LAMA2: variants seen among roughly 807,000 people sequenced by gnomAD.
The protein encoded by LAMA2 is laminin subunit alpha 2, also known as laminin subunit alpha-2.
LAMA2 carries 269 observed loss-of-function variants against 364.8 expected under a neutral mutation model. The observed-to-expected ratio is 0.74, with a 90% CI of 0.67 to 0.82. The LOEUF (loss-of-function observed/expected upper bound fraction) is 0.82. Ranked by LOEUF, LAMA2 falls within the 40% of genes least tolerant of loss-of-function variation. LAMA2 has a pLI of 0.00. For synonymous variants in LAMA2, 1,379 were observed against 1,370.6 expected, an observed-to-expected ratio of 1.01 and a Z score of -0.14; for missense variants, 3,807 against 3,873.2, an observed-to-expected ratio of 0.98 and a Z score of 0.45.
chr6:129,138,741 C>A (rs1377972334), intron 4 of LAMA2, among the ~76,000 whole-genome samples: 2 of 152,008 alleles, frequency 1.3e-5, no homozygotes, highest in African/African-American at 4.8e-5. Context: ...AGTAATTATG[C>A]TGATACATAT....
At chr6:129,005,982 G>A (rs552776880) in intron 1 of LAMA2, among the ~76,000 whole-genome samples, 1 of 151,730 alleles carries the variant, frequency 6.6e-6, no homozygotes, top group East Asian at 1.9e-4. Flanking sequence ...ATCTGTTTGA[G>A]ACTGTGTTTT....
At chr6:129,290,703 G>C (rs892569223) in intron 19 of LAMA2, among the ~76,000 whole-genome samples, 1 of 151,986 alleles carries the variant, frequency 6.6e-6, no homozygotes, top group African/African-American at 2.4e-5. Context: ...TAAAAATATA[G>C]GGTACATAGT....
At chr6:129,369,798 C>T (rs904751583) in intron 33 of LAMA2, 94 bp from the exon 34 acceptor site, 14 of 1,049,504 alleles carry the variant, frequency 1.3e-5, no homozygotes, top group African/African-American at 6.3e-5. Flanking sequence ...GGTGAGAAGG[C>T]TAAGTTCCTT....
intron 22 of LAMA2, among the ~76,000 whole-genome samples, chr6:129,307,222 C>G (rs907735914): frequency 4.6e-5 from 7 of 152,162 alleles, no homozygotes; most frequent in African/African-American, 1.4e-4. Context: ...AGAATACTAC[C>G]TAGTTGGTTA....
chr6:129,392,090 C>T (rs1283336387), intron 36 of LAMA2, among the ~76,000 whole-genome samples: 2 of 152,140 alleles, frequency 1.3e-5, no homozygotes, highest in Non-Finnish European at 2.9e-5. Context: ...CCAACCTATA[C>T]ATTTTATCAT....
At chr6:128,956,478 A>C (rs1201429665) in intron 1 of LAMA2, among the ~76,000 whole-genome samples, 1 of 152,064 alleles carries the variant, frequency 6.6e-6, no homozygotes, top group Admixed American at 6.6e-5. Flanking sequence ...GGTGAAACAT[A>C]GCACTGGATA....
chr6:129,193,875 ACTGGTGGTGTTGG>A (rs959047803), intron 12 of LAMA2, among the ~76,000 whole-genome samples: 14 of 152,150 alleles, frequency 9.2e-5, no homozygotes, highest in Non-Finnish European at 1.8e-4. Flanking sequence ...GTGAATGGGA[ACTGGTGGTGTTGG>A]CTGGTTGAAA....
intron 3 of LAMA2, among the ~76,000 whole-genome samples, chr6:129,062,187 A>T (rs1469737987): frequency 6.6e-6 from 1 of 152,180 alleles, no homozygotes; most frequent in Non-Finnish European, 1.5e-5. Context: ...CTGGCAACAG[A>T]GAAAATGTGG....
At chr6:129,129,276 C>G (rs898798150) in intron 4 of LAMA2, among the ~76,000 whole-genome samples, 2 of 151,996 alleles carry the variant, frequency 1.3e-5, no homozygotes. Flanking sequence ...ACAGAGCACC[C>G]CAAAATAATT....
intron 32 of LAMA2, 98 bp from the exon 33 acceptor site, chr6:129,366,121 T>A: frequency 7.8e-7 from 1 of 1,282,898 alleles, no homozygotes; most frequent in Non-Finnish European, 1.1e-6. Context: ...TCCATGGAAT[T>A]ATTCTTGGAC....
intron 14 of LAMA2, among the ~76,000 whole-genome samples, chr6:129,253,890 C>T (rs988303415): frequency 6.6e-6 from 1 of 152,152 alleles, no homozygotes; most frequent in Non-Finnish European, 1.5e-5. Context: ...AGAGCTAATC[C>T]AAGTAGGTGG....
intron 2 of LAMA2, among the ~76,000 whole-genome samples, chr6:129,057,038 T>A (rs1017201602): frequency 3.9e-5 from 6 of 152,140 alleles, no homozygotes; most frequent in African/African-American, 1.4e-4. Flanking sequence ...TGGCCAATAT[T>A]CAGCTTTTAA....
At chr6:128,948,653 G>A (rs1780626249) in intron 1 of LAMA2, among the ~76,000 whole-genome samples, 1 of 152,196 alleles carries the variant, frequency 6.6e-6, no homozygotes, top group Non-Finnish European at 1.5e-5. Context: ...ACTGGTGGGA[G>A]GTGATTGGAT....
In LAMA2 at chr6:129,456,514, C is replaced by T; in HGVS notation, c.6867+20C>T. 6.2e-7 allele frequency: 1 copy of T among 1,606,124 alleles called. No homozygotes were observed. The highest frequency in any genetic ancestry group is 8.5e-7 in the Non-Finnish European group (1 of 1,172,956). On this transcript the variant is annotated intron_variant, in intron 48 of 64. Transcript: ENST00000421865. ...TTAAAGGTAATGTGTTCATCCTCCT[C>T]CTGTTTATTTCATCTTTGTTGACAT...
chr6:128,979,073 T>C (rs781360891), intron 1 of LAMA2, among the ~76,000 whole-genome samples: 16 of 152,210 alleles, frequency 1.1e-4, no homozygotes, highest in Admixed American at 2.6e-4. Context: ...GTTTGCCACT[T>C]GGGTCAACAA....
Position 129,475,210 on chromosome 6 carries a change from C to A in LAMA2, c.7440-180C>A, listed in dbSNP as rs1220995408. Among the ~76,000 whole-genome samples the A allele has an allele frequency of 2.0e-5, 3 of 151,818 alleles. No homozygotes were observed. The East Asian group carries it at 5.8e-4, about 29-fold the overall frequency. ...ATTTTGATTCTAATTTCACTGCCGT[C>A]AAGGGTATAAGTCTATTTTTAGTTC... On this transcript the variant is annotated intron_variant, in intron 52 of 64. Transcript: ENST00000421865.
chr6:129,448,268 T>A (rs577393562), intron 45 of LAMA2, among the ~76,000 whole-genome samples: 1 of 150,460 alleles, frequency 6.6e-6, no homozygotes, highest in South Asian at 2.1e-4. Context: ...GGGTGGCAAA[T>A]AGAAACCCTG....
At chr6:129,276,523 G>A (rs1050986863) in intron 17 of LAMA2, among the ~76,000 whole-genome samples, 19 of 151,902 alleles carry the variant, frequency 1.3e-4, no homozygotes, top group Admixed American at 2.0e-4. Context: ...AGCATTTAAC[G>A]TTAGAACTGA....
At chr6:129,350,729 C>T (rs1279433216) in intron 31 of LAMA2, among the ~76,000 whole-genome samples, 1 of 152,172 alleles carries the variant, frequency 6.6e-6, no homozygotes, top group East Asian at 1.9e-4. Context: ...TTATCAGCAT[C>T]CACTTAAGAG....
Sources: allele counts gnomAD v4.1 joint callset (sites outside exome capture counted in the v4.1 genomes callset), GRCh38; gene constraint gnomAD v4.1.1; transcripts MANE v1.5; gene names NCBI Gene and HGNC (gene_info 2026-07-23, HGNC 2026-07-21).